The following TTC28 variants were observed in gnomAD, a reference collection of about 807,000 sequenced individuals.
TTC28 encodes tetratricopeptide repeat protein 28.
In TTC28, 61 loss-of-function variants were observed where a neutral mutation model predicts 198.0. That is an observed-to-expected ratio of 0.31 (90% CI 0.25 to 0.38). The LOEUF is 0.38. Ranked by LOEUF, TTC28 falls within the 10% of genes least tolerant of loss-of-function variation. TTC28 has a pLI of 1.00. For synonymous variants in TTC28, 1,171 were observed against 1,297.8 expected (o/e 0.90, Z 2.10); for missense variants, 2,678 against 3,164.0 (o/e 0.85, Z 3.69).
intron 6 of TTC28, among the ~76,000 whole-genome samples, chr22:28,139,293 C>G (rs1367355055): frequency 2.0e-5 from 3 of 152,082 alleles, no homozygotes; most frequent in African/African-American, 7.2e-5. Context: ...CAACAGAAAA[C>G]AAAACACAGT....
chr22:28,113,067 C>T (rs1569146149), intron 6 of TTC28, among the ~76,000 whole-genome samples: 1 of 152,196 alleles, frequency 6.6e-6, no homozygotes, highest in Non-Finnish European at 1.5e-5. Flanking sequence ...ATAGTAAGTG[C>T]TCAATACATT....
At chr22:28,535,914 TA>T (rs1156502037) in intron 2 of TTC28, among the ~76,000 whole-genome samples, 4 of 151,420 alleles carry the variant, frequency 2.6e-5, no homozygotes, top group Non-Finnish European at 5.9e-5. Context: ...CTTTATAAAT[TA>T]AAAAAAAGAC....
intron 13 of TTC28, 108 bp from the exon 14 acceptor site, chr22:28,014,500 A>G (rs1938285695): frequency 1.6e-6 from 2 of 1,288,358 alleles, no homozygotes; most frequent in African/African-American, 1.5e-5. Flanking sequence ...GAGGCTTCAC[A>G]GCAGCAACCC....
chr22:28,570,617 G>A (rs1040559936), intron 2 of TTC28, among the ~76,000 whole-genome samples: 11 of 152,080 alleles, frequency 7.2e-5, no homozygotes, highest in African/African-American at 2.7e-4. Context: ...TTACCTAGGT[G>A]ATGAAATAAT....
At chr22:28,007,195 A>C (rs1446088231) in intron 14 of TTC28, 1 of 152,108 alleles carries the variant, frequency 6.6e-6, no homozygotes, top group Non-Finnish European at 1.5e-5. Context: ...TTCCTGACTG[A>C]TATTTTTGAT....
intron 6 of TTC28, among the ~76,000 whole-genome samples, chr22:28,154,372 G>A (rs1195446385): frequency 7.8e-6 from 1 of 128,746 alleles, no homozygotes; most frequent in African/African-American, 3.0e-5. Flanking sequence ...TTTTTTTTGA[G>A]ACAGAGTCTC....
At chr22:28,251,170 A>G (rs948894620) in intron 5 of TTC28, among the ~76,000 whole-genome samples, 1 of 152,192 alleles carries the variant, frequency 6.6e-6, no homozygotes, top group Non-Finnish European at 1.5e-5. Flanking sequence ...ATTATCATTC[A>G]ATATTGAGTT....
At chr22:28,453,925 G>T (rs565384692) in intron 2 of TTC28, among the ~76,000 whole-genome samples, 1 of 152,248 alleles carries the variant, frequency 6.6e-6, no homozygotes, top group African/African-American at 2.4e-5. Flanking sequence ...GGTCATACAT[G>T]ATCTAGCCTC....
At chr22:28,347,271 G>GA (rs201082591) in intron 2 of TTC28, among the ~76,000 whole-genome samples, 27,982 of 115,600 alleles carry the variant, frequency 0.24, 3,254 homozygotes, top group Admixed American at 0.42. Flanking sequence ...CTCAAAAGAG[G>GA]AAAAAAAAAA....
At chr22:28,537,164 G>A (rs898759651) in intron 2 of TTC28, among the ~76,000 whole-genome samples, 2 of 150,858 alleles carry the variant, frequency 1.3e-5, no homozygotes, top group East Asian at 3.9e-4. Context: ...GTGGTGGCGG[G>A]TGCCTGTAGT....
At chr22:28,413,749 TAAA>T (rs5844809) in intron 2 of TTC28, among the ~76,000 whole-genome samples, 1 of 151,600 alleles carries the variant, frequency 6.6e-6, no homozygotes, top group East Asian at 1.9e-4. Context: ...GGCTAAAAGT[TAAA>T]AAAAAGGTGG....
At chr22:27,994,836 C>T (rs983320519) in intron 17 of TTC28, among the ~76,000 whole-genome samples, 4 of 152,158 alleles carry the variant, frequency 2.6e-5, no homozygotes, top group African/African-American at 9.7e-5. Context: ...CCCAAAAAAG[C>T]AGTGTGTAGT....
intron 12 of TTC28, among the ~76,000 whole-genome samples, chr22:28,087,679 A>C (rs571408515): frequency 1.3e-5 from 2 of 152,198 alleles, no homozygotes; most frequent in Non-Finnish European, 2.9e-5. Flanking sequence ...AGGCAGGAGA[A>C]GGAAATAAAT....
chr22:28,457,097 C>CA (rs2047874030), intron 2 of TTC28, among the ~76,000 whole-genome samples: 1 of 152,108 alleles, frequency 6.6e-6, no homozygotes, highest in Admixed American at 6.5e-5. Context: ...ATTTGTAAGA[C>CA]AAAATAAAAT....
chr22:28,327,210 G>C (rs2045546746), intron 2 of TTC28, among the ~76,000 whole-genome samples: 1 of 152,102 alleles, frequency 6.6e-6, no homozygotes, highest in Non-Finnish European at 1.5e-5. Context: ...AATATGTGCA[G>C]TTGATCTTAT....
At chr22:28,224,491 C>T (rs1323049926) in intron 5 of TTC28, among the ~76,000 whole-genome samples, 1 of 152,134 alleles carries the variant, frequency 6.6e-6, no homozygotes, top group Non-Finnish European at 1.5e-5. Flanking sequence ...CCAAGTAAGC[C>T]AGTCAAATAA....
At chr22:28,552,881 TC>T (rs2049705988) in intron 2 of TTC28, among the ~76,000 whole-genome samples, 1 of 147,926 alleles carries the variant, frequency 6.8e-6, no homozygotes, top group Admixed American at 6.8e-5. Flanking sequence ...CACTGCAACC[TC>T]CCTGCCTGAT....
chr22:28,342,492 T>A (rs1231227591), intron 2 of TTC28, among the ~76,000 whole-genome samples: 1 of 152,232 alleles, frequency 6.6e-6, no homozygotes, highest in Non-Finnish European at 1.5e-5. Flanking sequence ...TGACATATGC[T>A]ATTTCACAAA....
At chr22:28,392,870 C>CTTTT (rs1245558034) in intron 2 of TTC28, among the ~76,000 whole-genome samples, 3,794 of 80,522 alleles carry the variant, frequency 0.047, 274 homozygotes, top group Non-Finnish European at 0.058. Flanking sequence ...TTCCTCCCTC[C>CTTTT]TTTTTTTTTT....
Sources: allele counts gnomAD v4.1 joint callset (sites outside exome capture counted in the v4.1 genomes callset), GRCh38; gene constraint gnomAD v4.1.1; transcripts MANE v1.5; gene names NCBI Gene and HGNC (gene_info 2026-07-23, HGNC 2026-07-21).